OPCML: variants seen among roughly 807,000 people sequenced by gnomAD.
OPCML encodes opioid-binding protein/cell adhesion molecule.
Under a neutral mutation model 37.8 loss-of-function variants are expected in OPCML, and 13 were observed. The ratio of observed to expected loss-of-function variants is 0.34; its 90% CI spans 0.22 to 0.55. The LOEUF is 0.55. Ranked by LOEUF, OPCML falls within the 20% of genes least tolerant of loss-of-function variation. OPCML has a pLI of 0.91. For missense variants in OPCML, 341 were observed against 435.6 expected (o/e 0.78, Z 1.93); for synonymous variants, 176 against 168.8 (o/e 1.04, Z -0.33).
chr11:133,294,577 A>C (rs1258955329), intron 1 of OPCML, among the ~76,000 whole-genome samples: 2 of 151,956 alleles, frequency 1.3e-5, no homozygotes, highest in Non-Finnish European at 2.9e-5. Flanking sequence ...CTTCTTCATG[A>C]GGAGGTGGAC....
chr11:133,431,439 G>T (rs541764842), intron 1 of OPCML, among the ~76,000 whole-genome samples: 5 of 151,684 alleles, frequency 3.3e-5, no homozygotes, highest in Non-Finnish European at 7.4e-5. Context: ...AATACCATAT[G>T]TATTGTATGA....
intron 7 of OPCML, among the ~76,000 whole-genome samples, chr11:132,431,578 C>T (rs1302499634): frequency 6.6e-6 from 1 of 152,208 alleles, no homozygotes; most frequent in Admixed American, 6.5e-5. Flanking sequence ...GTGCCAACAG[C>T]TGTTTCATCT....
Position 132,563,015 on chromosome 11 carries a change from T to A in OPCML, c.380-33829A>T, listed in dbSNP as rs533284080. On this transcript the variant is annotated intron_variant, in intron 3 of 7. Transcript: ENST00000524381. ...ACCTTGTTGTGTTCTGTATTCACTT[T>A]GCTGCTTTTCAGTAGTATAGAGAAA... Among the ~76,000 whole-genome samples the A allele has an allele frequency of 1.7e-4, 26 of 152,348 alleles. 2 individuals are homozygous for A. In the South Asian group the frequency reaches 5.4e-3, roughly 32 times the overall value.
rs551605546 is a variant in OPCML at position 133,132,648 on chromosome 11, C to T, written c.62-189638G>A. Among the ~76,000 whole-genome samples, 11 of 152,008 alleles carry T rather than the reference C, an allele frequency of 7.2e-5. No individual in the cohort carries two copies. The South Asian group carries it at 2.1e-3, about 29-fold the overall frequency. On this transcript the variant is annotated intron_variant, in intron 1 of 7. Transcript: ENST00000524381. ...AATGGCCAACCAAACTGTGGTGCAC[C>T]GATACAATGGAATACTAATCAGCAA...
intron 1 of OPCML, among the ~76,000 whole-genome samples, chr11:133,095,032 T>C (rs1948977027): frequency 6.6e-6 from 1 of 152,054 alleles, no homozygotes; most frequent in African/African-American, 2.4e-5. Context: ...GTGCATTATA[T>C]TCCCAAGGGG....
intron 2 of OPCML, among the ~76,000 whole-genome samples, chr11:132,835,091 G>T (rs181394222): frequency 4.5e-4 from 69 of 152,148 alleles, no homozygotes; most frequent in Middle Eastern, 3.4e-3. Flanking sequence ...GCTCCACAAA[G>T]GTGGCCAGGC....
intron 1 of OPCML, among the ~76,000 whole-genome samples, chr11:133,058,410 C>T (rs1388150949): frequency 5.9e-5 from 9 of 152,140 alleles, no homozygotes; most frequent in African/African-American, 1.2e-4. Flanking sequence ...GGCGGGGGCA[C>T]GCGGGGTGCA....
At chr11:132,509,518 T>G (rs185752721) in intron 4 of OPCML, among the ~76,000 whole-genome samples, 23 of 152,168 alleles carry the variant, frequency 1.5e-4, no homozygotes, top group African/African-American at 5.3e-4. Flanking sequence ...AAAAGTGATT[T>G]TGTGGGCCAG....
At chr11:133,395,042 CCTGA>C (rs1208974192) in intron 1 of OPCML, among the ~76,000 whole-genome samples, 2 of 152,132 alleles carry the variant, frequency 1.3e-5, no homozygotes, top group African/African-American at 2.4e-5. Flanking sequence ...TTTGTTATTG[CCTGA>C]CTATTGTGTA....
intron 3 of OPCML, among the ~76,000 whole-genome samples, chr11:132,569,683 A>G (rs2096432765): frequency 6.6e-6 from 1 of 152,198 alleles, no homozygotes; most frequent in South Asian, 2.1e-4. Context: ...GAGAATGAGG[A>G]AATTTGTAGG....
At chr11:132,932,545 A>G (rs115670320) in intron 2 of OPCML, among the ~76,000 whole-genome samples, 8,089 of 151,952 alleles carry the variant, frequency 0.053, 319 homozygotes, top group African/African-American at 0.11. Context: ...TTCTGCCAAC[A>G]TAGTCACATA....
chr11:133,174,217 A>C lies in OPCML; in HGVS notation c.62-231207T>G, dbSNP rs1215360133. ...CTCCCCTACCACGACAGGAAGAAGG[A>C]AATGGAGCTCCGGAGTAACTCCTAG... On this transcript the variant is annotated intron_variant, in intron 1 of 7. Coordinates refer to ENST00000524381, the MANE Select transcript of OPCML (RefSeq NM_001012393.5). The surrounding 1 kb of genome is among the most constrained non-coding windows in gnomAD (Gnocchi z 4.6). Among the ~76,000 whole-genome samples, 2 of 152,210 alleles carry C rather than the reference A, an allele frequency of 1.3e-5. No homozygotes were observed. Among genetic ancestry groups the C allele is most frequent in the African/African-American group, 2.4e-5 (1 of 41,460 alleles).
intron 2 of OPCML, among the ~76,000 whole-genome samples, chr11:132,895,893 G>T (rs548631686): frequency 9.2e-5 from 14 of 152,206 alleles, no homozygotes; most frequent in Non-Finnish European, 1.2e-4. Flanking sequence ...TGATTCAGGA[G>T]GAGGTGTGCC....
At chr11:133,406,118 C>CTAT (rs1319035174) in intron 1 of OPCML, among the ~76,000 whole-genome samples, 6 of 152,020 alleles carry the variant, frequency 3.9e-5, no homozygotes, top group Non-Finnish European at 8.8e-5. Context: ...AATAAACATA[C>CTAT]TATTATTATG....
intron 1 of OPCML, among the ~76,000 whole-genome samples, chr11:133,320,637 T>C (rs901797910): frequency 1.3e-5 from 2 of 152,236 alleles, no homozygotes; most frequent in Non-Finnish European, 1.5e-5. Flanking sequence ...CTATCATCCT[T>C]TTAAAGTATG....
rs115380948 is a variant in OPCML at position 133,029,841 on chromosome 11, C to T, written c.62-86831G>A. Among the ~76,000 whole-genome samples, 881 of 137,398 alleles carry T rather than the reference C, an allele frequency of 6.4e-3. 6 individuals carry two copies. The highest frequency in any genetic ancestry group is 0.023 in the African/African-American group (827 of 36,076). The allele number at this position is 137,398 out of a possible 152,430, so 90.1% of individuals were successfully genotyped here. A position where few individuals can be genotyped will look rare whatever the true frequency, so the allele number is the denominator to read the frequency against. On this transcript the variant is annotated intron_variant, in intron 1 of 7. Transcript: ENST00000524381. ...TATATTCTTGTAACAAACCTGCACA[C>T]GCACCTAATGAATCTAAAATTTAAA...
intron 1 of OPCML, among the ~76,000 whole-genome samples, chr11:133,057,214 GT>G (rs778323170): frequency 4.6e-5 from 7 of 152,146 alleles, no homozygotes; most frequent in Non-Finnish European, 1.5e-5. Flanking sequence ...ATGTAGGTAG[GT>G]AGGATCACAT....
intron 2 of OPCML, among the ~76,000 whole-genome samples, chr11:132,681,469 G>A (rs1942938931): frequency 1.3e-5 from 2 of 152,044 alleles, no homozygotes; most frequent in African/African-American, 4.8e-5. Context: ...TTTCAGAAAG[G>A]AGTCCAGTCA....
intron 2 of OPCML, among the ~76,000 whole-genome samples, chr11:132,665,194 G>A (rs773035284): frequency 1.3e-5 from 2 of 152,180 alleles, no homozygotes; most frequent in Non-Finnish European, 2.9e-5. Context: ...ATAGAGTAGT[G>A]GAAACACAAC....
Sources: allele counts gnomAD v4.1 joint callset (sites outside exome capture counted in the v4.1 genomes callset), GRCh38; gene constraint gnomAD v4.1.1; non-coding constraint Gnocchi (gnomAD v3.1); transcripts MANE v1.5; gene names NCBI Gene and HGNC (gene_info 2026-07-23, HGNC 2026-07-21).